RFC1: variants seen among roughly 807,000 people sequenced by gnomAD.
RFC1 encodes replication factor C subunit 1.
In RFC1, 37 loss-of-function variants were observed where a neutral mutation model predicts 137.4. The observed-to-expected ratio is 0.27, with a 90% CI of 0.21 to 0.35. The LOEUF is 0.35. RFC1 is among the 10% of genes least tolerant of loss of function. RFC1 has a pLI of 1.00. For missense variants in RFC1, 1,205 were observed against 1,358.5 expected (o/e 0.89, Z 1.78); for synonymous variants, 429 against 455.7 (o/e 0.94, Z 0.75).
rs572105930 is a variant in RFC1, at chr4:39,351,641, G to A, written c.4-165C>T. 6.6e-5 allele frequency among the ~76,000 whole-genome samples: 10 copies of A among 152,304 alleles called. No homozygotes were observed. The East Asian group carries it at 1.3e-3, about 21-fold the overall frequency. On this transcript the variant is annotated intron_variant, in intron 1 of 24. Coordinates refer to ENST00000349703, the MANE Select transcript of RFC1 (RefSeq NM_002913.5). Reference sequence around the variant, plus strand: ...AGTAGCTTTCTTTTCATGTGCAAAAGTTAACTGATAACTTTACCTGAGTTA... The same window carrying A: ...AGTAGCTTTCTTTTCATGTGCAAAAATTAACTGATAACTTTACCTGAGTTA...
At chr4:39,365,845 G>C (rs1425108964) in intron 1 of RFC1, among the ~76,000 whole-genome samples, 1 of 152,102 alleles carries the variant, frequency 6.6e-6, no homozygotes, top group Admixed American at 6.6e-5. Flanking sequence ...CTTCTCCCTC[G>C]TGACCCAAAG....
chr4:39,362,492 C>T (rs1197071936), intron 1 of RFC1, among the ~76,000 whole-genome samples: 1 of 152,206 alleles, frequency 6.6e-6, no homozygotes, highest in Non-Finnish European at 1.5e-5. Context: ...CTCGCATTTA[C>T]AGTCAACTGA....
At chr4:39,362,660 A>C (rs543933194) in intron 1 of RFC1, among the ~76,000 whole-genome samples, 59 of 152,380 alleles carry the variant, frequency 3.9e-4, no homozygotes, top group African/African-American at 1.3e-3. Context: ...TAAAAGTCCT[A>C]AATGTAAGAG....
chr4:39,342,491 C>T lies in RFC1; in HGVS notation c.209-24G>A, dbSNP rs138994490. 3.6e-4 allele frequency: 582 copies of T among 1,605,284 alleles called. 3 individuals carry two copies. In the African/African-American group the frequency reaches 6.8e-3, roughly 19 times the overall value. Reference sequence around the variant, plus strand: ...ATCTGTATGTGAGAGAAAAATAAAACAAAACTTTGAAAAGAACTATTATAA... The same window carrying T: ...ATCTGTATGTGAGAGAAAAATAAAATAAAACTTTGAAAAGAACTATTATAA... On this transcript the variant is annotated intron_variant, in intron 3 of 24. Coordinates refer to ENST00000349703, the MANE Select transcript of RFC1 (RefSeq NM_002913.5).
At chr4:39,328,357 A>C (rs1241417077) in intron 4 of RFC1, among the ~76,000 whole-genome samples, 1 of 152,228 alleles carries the variant, frequency 6.6e-6, no homozygotes, top group Non-Finnish European at 1.5e-5. Flanking sequence ...TGGAACTTAA[A>C]GTCTAGAAGA....
At position 39,306,331 on chromosome 4, in the gene RFC1, C is replaced by T. The variant is rs55813136; in HGVS notation, c.1995+261G>A. Among the ~76,000 whole-genome samples the T allele has an allele frequency of 3.1e-3, 477 of 152,294 alleles. 4 individuals are homozygous for T. Among genetic ancestry groups the T allele is most frequent in the African/African-American group, 0.011 (453 of 41,556 alleles). On this transcript the variant is annotated intron_variant, in intron 14 of 24. Transcript: ENST00000349703. ...ACATGTTTTTGTTATCTATAATACA[C>T]CCACGTGCTTAGTACACTGCCTCGC... is the stretch of plus-strand genomic sequence containing the variant.
chr4:39,366,137 C>T, intron 1 of RFC1, 102 bp downstream of exon 1: 1 of 1,314,358 alleles, frequency 7.6e-7, no homozygotes, highest in Non-Finnish European at 1.0e-6. Flanking sequence ...GAACCACCCA[C>T]CGCCATCCTC....
chr4:39,311,503 T>A lies in RFC1; in HGVS notation c.1430A>T (p.Asn477Ile). The A allele has an allele frequency of 6.2e-7, 1 of 1,614,136 alleles. No individual in the cohort carries two copies. The highest frequency in any genetic ancestry group is 1.1e-5 in the South Asian group (1 of 91,080). The change falls in exon 12 of 25, where the codon AAT becomes ATT. Residue 477 changes from asparagine (N) to isoleucine (I), a missense_variant. Asn to Ile is a moderately radical substitution (Grantham distance 149, BLOSUM62 -3). This residue lies in a region of RFC1 where 962 missense variants were observed against 1,035.3 expected (regional missense o/e 0.93). Coordinates refer to ENST00000349703, the MANE Select transcript of RFC1 (RefSeq NM_002913.5). ...TKIIDEDGLL[N>I]LIRTMPGKKS... ...CTTGCCTGGCATAGTCCGAATCAGATTCAACAGGCCATCTTCATCAATAAT... is the reference window on the plus strand; with the variant it reads ...CTTGCCTGGCATAGTCCGAATCAGAATCAACAGGCCATCTTCATCAATAAT...
intron 6 of RFC1, 92 bp from the exon 7 acceptor site, chr4:39,323,509 C>A: frequency 9.7e-7 from 1 of 1,030,964 alleles, no homozygotes; most frequent in Non-Finnish European, 1.5e-6. Context: ...TTAGAAGAAA[C>A]TAGAAAAACA....
intron 24 of RFC1, among the ~76,000 whole-genome samples, chr4:39,289,202 C>CGAA (rs1301177846): frequency 6.7e-4 from 102 of 152,290 alleles, no homozygotes; most frequent in African/African-American, 2.3e-3. Context: ...CCTCTTCTTT[C>CGAA]AGTTTCAGAT....
chr4:39,321,195 A>G (rs1739501707), intron 8 of RFC1, 92 bp downstream of exon 8: 6 of 981,362 alleles, frequency 6.1e-6, no homozygotes, highest in South Asian at 4.4e-5. Flanking sequence ...CTAACAATAC[A>G]TAATTACTGA....
At chr4:39,304,194 C>T (rs1038850627) in intron 15 of RFC1, among the ~76,000 whole-genome samples, 5 of 152,172 alleles carry the variant, frequency 3.3e-5, no homozygotes, top group Admixed American at 6.5e-5. Context: ...AGGCACTGTG[C>T]GGTCCTTAAC....
intron 12 of RFC1, 73 bp downstream of exon 12, chr4:39,311,372 C>T: frequency 8.2e-7 from 1 of 1,223,044 alleles, no homozygotes; most frequent in Non-Finnish European, 1.2e-6. Flanking sequence ...AGCCTGTATC[C>T]ACCCAAGACA....
rs1225289731 is a variant in RFC1, at chr4:39,351,349, T to C, written c.131A>G (p.Lys44Arg). 3 of 1,535,110 alleles carry C rather than the reference T, an allele frequency of 2.0e-6. No homozygotes were observed. Among genetic ancestry groups the C allele is most frequent in the Non-Finnish European group, 2.6e-6 (3 of 1,150,070 alleles). Reference sequence around the variant, plus strand: ...CAAAATTATACCCAGAAAACTAACCTTGATTTCCTTTATTCCTTTCTTTGC... The same window carrying C: ...CAAAATTATACCCAGAAAACTAACCCTGATTTCCTTTATTCCTTTCTTTGC... ...LKAKKGIKEI[K>R]VNSSRKEDDF... The change falls in exon 2 of 25, where the codon AAG becomes AGG. Residue 44 changes from lysine to arginine, a missense_variant and splice_region_variant. Lys to Arg is a conservative substitution (Grantham distance 26, BLOSUM62 2). Around this residue, in one of 3 missense-constraint regions of RFC1, gnomAD observed 962 missense variants for 1,035.3 expected, o/e 0.93. Transcript: ENST00000349703.
At chr4:39,310,314 C>A (rs553849211) in intron 12 of RFC1, among the ~76,000 whole-genome samples, 56 of 152,260 alleles carry the variant, frequency 3.7e-4, no homozygotes, top group South Asian at 8.3e-4. Context: ...GACCCTGGAA[C>A]AGAAGAACTA....
intron 22 of RFC1, 96 bp downstream of exon 22, chr4:39,295,518 C>A: frequency 9.2e-7 from 1 of 1,084,928 alleles, no homozygotes; most frequent in Non-Finnish European, 1.3e-6. Context: ...AAAATAAAAA[C>A]TAAAACACAA....
chr4:39,306,164 T>A (rs902437264), intron 14 of RFC1, among the ~76,000 whole-genome samples: 16 of 152,202 alleles, frequency 1.1e-4, no homozygotes, highest in Admixed American at 7.2e-4. Context: ...TGAGTCGCGC[T>A]ACCGGGTGAA....
intron 3 of RFC1, 68 bp downstream of exon 3, chr4:39,345,331 GTT>G (rs1740799822): frequency 7.4e-7 from 1 of 1,359,786 alleles, no homozygotes; most frequent in African/African-American, 1.4e-5. Context: ...TTAGAACATA[GTT>G]TAAAGCACTG....
chr4:39,325,045 T>C (rs1739695971), intron 6 of RFC1, among the ~76,000 whole-genome samples: 1 of 152,188 alleles, frequency 6.6e-6, no homozygotes, highest in South Asian at 2.1e-4. Context: ...TGCTGGATCA[T>C]CCTCCTTTTC....
Sources: allele counts gnomAD v4.1 joint callset (sites outside exome capture counted in the v4.1 genomes callset), GRCh38; gene constraint gnomAD v4.1.1; regional missense constraint gnomAD v4.1.1; transcripts MANE v1.5; gene names NCBI Gene and HGNC (gene_info 2026-07-23, HGNC 2026-07-21).